The following MCC variants were observed in gnomAD, a reference collection of about 807,000 sequenced individuals.
MCC encodes MCC regulator of Wnt signaling pathway.
A neutral mutation model predicts 116.2 loss-of-function variants in MCC; 90 were observed. That is an observed-to-expected ratio of 0.77 (90% CI 0.65 to 0.92). The LOEUF (loss-of-function observed/expected upper bound fraction) is 0.92. Among genes scored for constraint, MCC ranks in the 40% least tolerant of loss-of-function variants. MCC has a pLI of 0.00. For missense variants in MCC, 1,516 were observed against 1,312.2 expected (o/e 1.16, Z -2.40); for synonymous variants, 578 against 510.5 (o/e 1.13, Z -1.78).
At chr5:113,471,520 G>A (rs556929425) in intron 1 of MCC, among the ~76,000 whole-genome samples, 2 of 152,154 alleles carry the variant, frequency 1.3e-5, no homozygotes, top group South Asian at 2.1e-4. Flanking sequence ...CTGCCTGATC[G>A]TTCCTCTGGA....
intron 3 of MCC, among the ~76,000 whole-genome samples, chr5:113,321,334 A>G (rs940103299): frequency 6.6e-6 from 1 of 152,184 alleles, no homozygotes; most frequent in African/African-American, 2.4e-5. Context: ...ATACCATTTT[A>G]ATACATCTGA....
intron 3 of MCC, among the ~76,000 whole-genome samples, chr5:113,220,373 T>TACTGAAATGTC (rs1333640756): frequency 6.6e-6 from 1 of 152,074 alleles, no homozygotes; most frequent in Non-Finnish European, 1.5e-5. Flanking sequence ...TGTCAATTTC[T>TACTGAAATGTC]ACTGAAATGT....
At chr5:113,145,953 A>G (rs1022457518) in intron 4 of MCC, among the ~76,000 whole-genome samples, 2 of 152,204 alleles carry the variant, frequency 1.3e-5, no homozygotes, top group Non-Finnish European at 2.9e-5. Flanking sequence ...CTGGTGATTC[A>G]GTCAGATGGA....
At chr5:113,089,404 G>A (rs1755440088) in intron 8 of MCC, among the ~76,000 whole-genome samples, 1 of 152,198 alleles carries the variant, frequency 6.6e-6, no homozygotes, top group Non-Finnish European at 1.5e-5. Context: ...TTTCTTCAAG[G>A]GTTTTGTAAA....
intron 11 of MCC, among the ~76,000 whole-genome samples, chr5:113,081,866 T>C (rs1754879267): frequency 6.6e-6 from 1 of 152,228 alleles, no homozygotes; most frequent in Non-Finnish European, 1.5e-5. Context: ...TGGTTTGCCA[T>C]ACACAAGAGG....
At chr5:113,409,490 C>T (rs756192818) in intron 1 of MCC, among the ~76,000 whole-genome samples, 2 of 151,926 alleles carry the variant, frequency 1.3e-5, no homozygotes, top group Non-Finnish European at 2.9e-5. Flanking sequence ...TAGCTGGAAC[C>T]ACACGTGTGC....
intron 2 of MCC, among the ~76,000 whole-genome samples, chr5:113,344,805 T>G (rs558562224): frequency 3.9e-5 from 6 of 152,144 alleles, no homozygotes; most frequent in Non-Finnish European, 8.8e-5. Flanking sequence ...GTACTTGCCG[T>G]GGGCCTTAGG....
At chr5:113,261,180 G>A (rs752999659) in intron 3 of MCC, among the ~76,000 whole-genome samples, 11 of 152,102 alleles carry the variant, frequency 7.2e-5, no homozygotes, top group African/African-American at 2.2e-4. Context: ...TACTTTAAAC[G>A]TGCTCAAAAC....
intron 1 of MCC, among the ~76,000 whole-genome samples, chr5:113,453,174 C>A (rs1771448429): frequency 1.3e-5 from 2 of 152,166 alleles, no homozygotes; most frequent in Middle Eastern, 3.4e-3. Flanking sequence ...CCCAATTAAA[C>A]CCTGTCTTTA....
chr5:113,146,678 G>A (rs1358278382), intron 4 of MCC, among the ~76,000 whole-genome samples: 4 of 152,112 alleles, frequency 2.6e-5, no homozygotes, highest in Non-Finnish European at 5.9e-5. Flanking sequence ...TTTACTTAGC[G>A]GCCTCTGGGA....
chr5:113,413,676 G>A (rs892979266), intron 1 of MCC, among the ~76,000 whole-genome samples: 2 of 151,842 alleles, frequency 1.3e-5, no homozygotes, highest in African/African-American at 2.4e-5. Flanking sequence ...TTCTTTATTA[G>A]TCTTGCTAGC....
Position 113,175,893 on chromosome 5 carries a change from TA to T in MCC, c.628-24472del, listed in dbSNP as rs567823382. ...TGTTGTGATCAGCATAGATCTAGATTAAAAAAAAAAAGTTTGAAAACTACTG... is the reference window on the plus strand; with the variant it reads ...TGTTGTGATCAGCATAGATCTAGATTAAAAAAAAAAGTTTGAAAACTACTG... On this transcript the variant is annotated intron_variant, in intron 3 of 18. Transcript: ENST00000408903. Among the ~76,000 whole-genome samples, 952 of 146,334 alleles carry T rather than the reference TA, an allele frequency of 6.5e-3. 12 individuals are homozygous for T. The highest frequency in any genetic ancestry group is 0.018 in the African/African-American group (728 of 40,136).
At chr5:113,277,303 G>A (rs1219947652) in intron 3 of MCC, among the ~76,000 whole-genome samples, 2 of 151,674 alleles carry the variant, frequency 1.3e-5, no homozygotes, top group African/African-American at 2.4e-5. Context: ...AGGAGGCAGA[G>A]GTTGCAGTGA....
chr5:113,296,705 A>G (rs996243308), intron 3 of MCC, among the ~76,000 whole-genome samples: 1 of 152,214 alleles, frequency 6.6e-6, no homozygotes, highest in African/African-American at 2.4e-5. Context: ...TCAATAGGCA[A>G]TGGAGAGCCA....
chr5:113,063,822 T>G (rs752136388), intron 14 of MCC, among the ~76,000 whole-genome samples, 162 bp downstream of exon 14: 1 of 152,252 alleles, frequency 6.6e-6, no homozygotes, highest in African/African-American at 2.4e-5. Context: ...TCTGTTCTGA[T>G]CTTCTGACTC....
intron 8 of MCC, among the ~76,000 whole-genome samples, chr5:113,087,013 A>G (rs1273884345): frequency 6.6e-6 from 1 of 152,202 alleles, no homozygotes; most frequent in Non-Finnish European, 1.5e-5. Flanking sequence ...GGGACTTCCA[A>G]GGCCACAAAG....
intron 3 of MCC, among the ~76,000 whole-genome samples, chr5:113,201,320 A>T (rs762691697): frequency 3.4e-5 from 5 of 146,246 alleles, no homozygotes; most frequent in Non-Finnish European, 7.5e-5. Context: ...CAGGAGGCAG[A>T]GGTTGCAGTG....
chr5:113,068,481 G>T (rs1477862006), intron 12 of MCC, among the ~76,000 whole-genome samples: 1 of 152,190 alleles, frequency 6.6e-6, no homozygotes, highest in Non-Finnish European at 1.5e-5. Flanking sequence ...TGATTCCCTT[G>T]TGGTAGGCCA....
At chr5:113,241,847 A>G (rs971876290) in intron 3 of MCC, among the ~76,000 whole-genome samples, 3 of 152,218 alleles carry the variant, frequency 2.0e-5, no homozygotes, top group Non-Finnish European at 4.4e-5. Flanking sequence ...AAAACTGCAA[A>G]GACATTCAGA....
Sources: gnomAD v4.1 joint callset for allele counts (sites outside exome capture counted in the v4.1 genomes callset) on GRCh38, gnomAD v4.1.1 for gene constraint, MANE v1.5 for transcripts, NCBI Gene and HGNC (gene_info 2026-07-23, HGNC 2026-07-21) for gene names.